MTIF3: variants seen among roughly 807,000 people sequenced by gnomAD.
MTIF3 encodes translation initiation factor IF-3, mitochondrial.
A neutral mutation model predicts 20.7 loss-of-function variants in MTIF3; 13 were observed. The ratio of observed to expected loss-of-function variants is 0.63; its 90% CI spans 0.41 to 1.00. The LOEUF (loss-of-function observed/expected upper bound fraction) is 1.00, where lower values mean the gene tolerates loss of function less well. Among genes scored for constraint, MTIF3 ranks in the 50% least tolerant of loss-of-function variants. The pLI is 0.00. For missense variants in MTIF3, 295 were observed against 324.5 expected, an observed-to-expected ratio of 0.91 and a Z score of 0.70; for synonymous variants, 114 against 112.5, an observed-to-expected ratio of 1.01 and a Z score of -0.08.
chr13:27,439,947 T>A, intron 3 of MTIF3, 42 bp downstream of exon 3: 1 of 1,551,382 alleles, frequency 6.4e-7, no homozygotes, highest in Non-Finnish European at 8.9e-7. Flanking sequence ...TGCTGATTTG[T>A]AGCTCTTAAA....
intron 2 of MTIF3, among the ~76,000 whole-genome samples, chr13:27,444,291 C>T (rs1490935876): frequency 2.7e-5 from 4 of 150,758 alleles, no homozygotes; most frequent in East Asian, 3.9e-4. Context: ...GGCGACAGAG[C>T]GAGACTCTGT....
chr13:27,440,296 A>C lies in MTIF3; in HGVS notation c.153T>G (p.His51Gln), dbSNP rs745486576. Residue 51 changes from histidine (H) to glutamine (Q), a missense_variant, in exon 3 of 5, where the codon CAT becomes CAG. Physicochemically the swap from His to Gln is conservative, Grantham distance 24. Transcript: ENST00000381120. ...ASAPRLSFLI[H>Q]AKAFSTAEDT... Reference sequence around the variant, plus strand: ...CTTCAGCGGTACTAAAGGCTTTTGCATGAATTAGGAAGGAGAGTCTTGGGG... The same window carrying C: ...CTTCAGCGGTACTAAAGGCTTTTGCCTGAATTAGGAAGGAGAGTCTTGGGG... The C allele has an allele frequency of 1.9e-6, 3 of 1,614,094 alleles. No homozygotes were observed. The South Asian group carries it at 3.3e-5, about 18-fold the overall frequency.
chr13:27,441,761 A>G (rs1400723844), intron 2 of MTIF3, among the ~76,000 whole-genome samples: 1 of 152,220 alleles, frequency 6.6e-6, no homozygotes, highest in Non-Finnish European at 1.5e-5. Flanking sequence ...GTGACTTGTC[A>G]AAGATGAAAG....
chr13:27,436,096 C>T (rs1268560165), intron 4 of MTIF3, among the ~76,000 whole-genome samples: 1 of 152,116 alleles, frequency 6.6e-6, no homozygotes, highest in Non-Finnish European at 1.5e-5. Flanking sequence ...ATGCTGAATG[C>T]TTCCTAATTT....
intron 1 of MTIF3, among the ~76,000 whole-genome samples, chr13:27,447,126 A>C (rs1246246841): frequency 4.1e-5 from 6 of 145,386 alleles, no homozygotes; most frequent in Admixed American, 7.3e-5. Context: ...GCCTGTCGGC[A>C]TCACCTGGGG....
At chr13:27,440,755 T>C (rs1198615149) in intron 2 of MTIF3, among the ~76,000 whole-genome samples, 4 of 151,538 alleles carry the variant, frequency 2.6e-5, no homozygotes, top group Non-Finnish European at 5.9e-5. Context: ...CATGATCTCA[T>C]TTGACTACTT....
intron 2 of MTIF3, among the ~76,000 whole-genome samples, chr13:27,441,952 G>C (rs1954016250): frequency 6.6e-6 from 1 of 152,160 alleles, no homozygotes; most frequent in Non-Finnish European, 1.5e-5. Flanking sequence ...AAATTCAACA[G>C]AAAGTGATGG....
chr13:27,441,776 A>G (rs1008902171), intron 2 of MTIF3, among the ~76,000 whole-genome samples: 1 of 152,166 alleles, frequency 6.6e-6, no homozygotes, highest in African/African-American at 2.4e-5. Context: ...TGAAAGAGGA[A>G]AACAGAAGGT....
At chr13:27,443,648 GCTAT>G (rs1400801749) in intron 2 of MTIF3, among the ~76,000 whole-genome samples, 1 of 152,054 alleles carries the variant, frequency 6.6e-6, no homozygotes, top group Non-Finnish European at 1.5e-5. Context: ...CTCAGTACTG[GCTAT>G]CTTTTTCCCT....
intron 3 of MTIF3, among the ~76,000 whole-genome samples, chr13:27,438,048 T>G (rs114240455): frequency 1.1e-4 from 17 of 152,014 alleles, no homozygotes; most frequent in African/African-American, 3.9e-4. Flanking sequence ...AACACGCAAT[T>G]CACAGAAGAA....
At chr13:27,440,796 G>A (rs1953980591) in intron 2 of MTIF3, among the ~76,000 whole-genome samples, 1 of 151,980 alleles carries the variant, frequency 6.6e-6, no homozygotes, top group Non-Finnish European at 1.5e-5. Flanking sequence ...GGGAGTTAGG[G>A]AAACAGACCC....
chr13:27,435,957 T>A, intron 4 of MTIF3, 64 bp from the exon 5 acceptor site: 4 of 1,361,124 alleles, frequency 2.9e-6, no homozygotes, highest in Non-Finnish European at 3.1e-6. Flanking sequence ...TCTAATGTTC[T>A]GCTTGAACAT....
chr13:27,446,838 G>C (rs1954195458), intron 1 of MTIF3, among the ~76,000 whole-genome samples: 1 of 151,990 alleles, frequency 6.6e-6, no homozygotes, highest in Admixed American at 6.6e-5. Flanking sequence ...ATGGTGATGG[G>C]GGCGGATGGG....
Position 27,449,147 on chromosome 13 carries a change from G to C in MTIF3, c.-71+1362C>G, listed in dbSNP as rs1448670869. Among the ~76,000 whole-genome samples the C allele has an allele frequency of 2.6e-5, 4 of 152,102 alleles. No individual in the cohort carries two copies. In the East Asian group the frequency reaches 5.8e-4, roughly 22 times the overall value. ...GATCACTACCCATCCACAACCTCCA[G>C]TCACCTCCAAGACACCTTTGACGCC... On this transcript the variant is annotated intron_variant, in intron 1 of 4. Transcript: ENST00000381120.
chr13:27,444,155 A>T (rs1447057107), intron 2 of MTIF3, among the ~76,000 whole-genome samples: 1 of 151,988 alleles, frequency 6.6e-6, no homozygotes, highest in Non-Finnish European at 1.5e-5. Context: ...ATAAAATAAA[A>T]ATTAGCTGGG....
intron 1 of MTIF3, among the ~76,000 whole-genome samples, chr13:27,449,197 C>G (rs1018689697): frequency 1.1e-4 from 17 of 152,202 alleles, no homozygotes; most frequent in African/African-American, 3.9e-4. Context: ...CAACCCAACA[C>G]CAAGCCTCAT....
chr13:27,436,496 C>T (rs577089715), intron 4 of MTIF3, among the ~76,000 whole-genome samples: 1 of 151,858 alleles, frequency 6.6e-6, no homozygotes, highest in East Asian at 1.9e-4. Flanking sequence ...TAATTAATGC[C>T]CCTATAAGTA....
intron 2 of MTIF3, among the ~76,000 whole-genome samples, chr13:27,441,617 T>C (rs1325231140): frequency 6.6e-6 from 1 of 152,242 alleles, no homozygotes; most frequent in Non-Finnish European, 1.5e-5. Context: ...ATTGATTTTT[T>C]AATTGCTTTT....
Position 27,440,631 on chromosome 13 carries a change from C to T in MTIF3, c.-1-182G>A, listed in dbSNP as rs1035328683. Among the ~76,000 whole-genome samples the T allele has an allele frequency of 5.9e-5, 9 of 152,160 alleles. No individual in the cohort carries two copies. The South Asian group carries it at 1.9e-3, about 32-fold the overall frequency. ...AGTCTACACTGATAAAGCGGACTAG[C>T]AGGTGACTCTGGCCAGACTAACTCA... On this transcript the variant is annotated intron_variant, in intron 2 of 4. Coordinates refer to ENST00000381120, the MANE Select transcript of MTIF3 (RefSeq NM_152912.5).
Sources: allele counts gnomAD v4.1 joint callset (sites outside exome capture counted in the v4.1 genomes callset), GRCh38; gene constraint gnomAD v4.1.1; transcripts MANE v1.5; gene names NCBI Gene and HGNC (gene_info 2026-07-23, HGNC 2026-07-21).